Variants in NRP1 observed in about 807,000 individuals in gnomAD.
NRP1 encodes the protein neuropilin-1.
Under a neutral mutation model 106.7 loss-of-function variants are expected in NRP1, and 35 were observed. The ratio of observed to expected loss-of-function variants is 0.33; its 90% CI spans 0.25 to 0.43. The LOEUF is 0.43. NRP1 is among the 20% of genes least tolerant of loss of function. The pLI is 1.00. For synonymous variants in NRP1, 437 were observed against 417.9 expected, an observed-to-expected ratio of 1.05 and a Z score of -0.56; for missense variants, 1,024 against 1,170.4, an observed-to-expected ratio of 0.87 and a Z score of 1.83.
chr10:33,299,352 A>G (rs1845638340), intron 2 of NRP1, among the ~76,000 whole-genome samples: 1 of 152,132 alleles, frequency 6.6e-6, no homozygotes, highest in African/African-American at 2.4e-5. Context: ...TGGGTCAGAC[A>G]CCAGCTGCTG....
At chr10:33,316,136 A>G (rs1847018904) in intron 2 of NRP1, among the ~76,000 whole-genome samples, 1 of 152,204 alleles carries the variant, frequency 6.6e-6, no homozygotes, top group African/African-American at 2.4e-5. Flanking sequence ...AGCAGAGGGC[A>G]AGAAGGAGGA....
At chr10:33,194,705 A>G in intron 12 of NRP1, 1 of 520,580 alleles carries the variant, frequency 1.9e-6, no homozygotes. Context: ...TATTTAAAGG[A>G]TATGTTTTTA....
chr10:33,207,948 T>A lies in NRP1; in HGVS notation c.1615-232A>T, dbSNP rs113877952. ...TATTCATTATTATTATTTTTTGAGA[T>A]GGGGTCTCACTCTGTCGCCCAGGGT... On this transcript the variant is annotated intron_variant, in intron 9 of 16. Coordinates refer to ENST00000374867, the MANE Select transcript of NRP1 (RefSeq NM_003873.7). 5.0e-3 allele frequency among the ~76,000 whole-genome samples: 762 copies of A among 152,248 alleles called. 6 individuals carry two copies. The highest frequency in any genetic ancestry group is 0.017 in the African/African-American group (722 of 41,550).
intron 2 of NRP1, among the ~76,000 whole-genome samples, chr10:33,278,670 G>T (rs767631660): frequency 7.9e-5 from 12 of 151,988 alleles, no homozygotes; most frequent in Non-Finnish European, 1.2e-4. Flanking sequence ...AATTATAATC[G>T]CATATAGTCC....
At chr10:33,199,387 ATATTTTTTTTTTT>A (rs1239566710) in intron 11 of NRP1, among the ~76,000 whole-genome samples, 6 of 55,784 alleles carry the variant, frequency 1.1e-4, no homozygotes, top group African/African-American at 4.4e-4. Flanking sequence ...ATATATATAT[ATATTTTTTTTTTT>A]TTTTTTTTTT....
intron 5 of NRP1, among the ~76,000 whole-genome samples, chr10:33,254,748 T>C (rs2133180959): frequency 6.6e-6 from 1 of 152,280 alleles, no homozygotes; most frequent in East Asian, 1.9e-4. Context: ...GCATGACTAT[T>C]AACATAATTA....
chr10:33,300,796 T>C (rs1270636035), intron 2 of NRP1, among the ~76,000 whole-genome samples: 2 of 152,174 alleles, frequency 1.3e-5, no homozygotes, highest in Non-Finnish European at 2.9e-5. Flanking sequence ...GTCCCGCCTT[T>C]ACTTCGAGTT....
chr10:33,226,330 CA>C, intron 6 of NRP1, 41 bp from the exon 7 acceptor site: 1 of 1,605,682 alleles, frequency 6.2e-7, no homozygotes, highest in Middle Eastern at 1.7e-4. Context: ...ACCATCCCTG[CA>C]GCACAGTAAC....
chr10:33,199,288 C>T (rs923638454), intron 11 of NRP1, among the ~76,000 whole-genome samples: 8 of 144,570 alleles, frequency 5.5e-5, no homozygotes, highest in African/African-American at 1.8e-4. Context: ...CCTCAAACTT[C>T]TGGGCTCAAG....
chr10:33,279,061 G>A (rs1722660826), intron 2 of NRP1, among the ~76,000 whole-genome samples: 1 of 152,206 alleles, frequency 6.6e-6, no homozygotes, highest in South Asian at 2.1e-4. Flanking sequence ...GATTGTGCAT[G>A]GGAATATGAG....
At chr10:33,188,910 AATATATATATATAT>A (rs9299704) in intron 13 of NRP1, among the ~76,000 whole-genome samples, 4 of 111,358 alleles carry the variant, frequency 3.6e-5, no homozygotes, top group African/African-American at 1.2e-4. Context: ...CCCTGTCTTA[AATATATATATATAT>A]ATATATATAT....
chr10:33,252,310 C>G (rs1303324678), intron 6 of NRP1, among the ~76,000 whole-genome samples: 1 of 152,150 alleles, frequency 6.6e-6, no homozygotes, highest in Non-Finnish European at 1.5e-5. Flanking sequence ...TTCCCGTACA[C>G]CAAGGCAAGA....
At chr10:33,293,771 A>G (rs1259085582) in intron 2 of NRP1, among the ~76,000 whole-genome samples, 1 of 152,222 alleles carries the variant, frequency 6.6e-6, no homozygotes, top group African/African-American at 2.4e-5. Flanking sequence ...TCAAAACCCA[A>G]TAAAATTCTT....
At chr10:33,185,861 A>G (rs1252750311) in intron 14 of NRP1, 137 bp from the exon 15 acceptor site, 6 of 755,840 alleles carry the variant, frequency 7.9e-6, no homozygotes, top group Non-Finnish European at 1.3e-5. Flanking sequence ...TCACTCATCA[A>G]TCCACATTAG....
At chr10:33,192,714 C>T (rs1160174453) in intron 12 of NRP1, among the ~76,000 whole-genome samples, 4 of 152,258 alleles carry the variant, frequency 2.6e-5, no homozygotes, top group South Asian at 2.1e-4. Context: ...TTCTAAAGCA[C>T]GTGTATTACA....
At chr10:33,194,816 T>C (rs1475182623) in intron 12 of NRP1, 1 of 501,486 alleles carries the variant, frequency 2.0e-6, no homozygotes, top group Non-Finnish European at 4.1e-6. Flanking sequence ...CCATAAACAT[T>C]TATAGAAAGG....
In NRP1 at chr10:33,334,377, C is replaced by T; in HGVS notation, c.6G>A (p.Glu2=). Reference sequence around the variant, plus strand: ...CGGCGCAGAGGAGCGGCAGCCCCCTCTCCATTCTCCCTTCTCCGGGTCCGC... The same window carrying T: ...CGGCGCAGAGGAGCGGCAGCCCCCTTTCCATTCTCCCTTCTCCGGGTCCGC... M[E]RGLPLLCAVL... The change falls in exon 1 of 17, where the codon GAG becomes GAA. Residue 2 remains glutamate, a synonymous_variant. Transcript: ENST00000374867. 1 of 1,545,584 alleles carries T rather than the reference C, an allele frequency of 6.5e-7. No homozygotes were observed.
chr10:33,287,743 G>A (rs1013124866), intron 2 of NRP1, among the ~76,000 whole-genome samples: 1 of 152,184 alleles, frequency 6.6e-6, no homozygotes, highest in African/African-American at 2.4e-5. Flanking sequence ...GGAGTGGAAG[G>A]AATGGCATAG....
intron 13 of NRP1, among the ~76,000 whole-genome samples, chr10:33,186,933 T>C (rs190732463): frequency 7.3e-4 from 111 of 152,262 alleles, no homozygotes; most frequent in African/African-American, 2.7e-3. Context: ...TCATAGCTCA[T>C]TGCAGCCTCA....
Sources: allele counts gnomAD v4.1 joint callset (sites outside exome capture counted in the v4.1 genomes callset), GRCh38; gene constraint gnomAD v4.1.1; transcripts MANE v1.5; gene names NCBI Gene and HGNC (gene_info 2026-07-23, HGNC 2026-07-21).